The following SEC23B variants were observed in gnomAD, a reference collection of about 807,000 sequenced individuals.
SEC23B encodes the protein SEC23 homolog B, COPII component, also known as protein transport protein Sec23B.
A neutral mutation model predicts 104.3 loss-of-function variants in SEC23B; 77 were observed. That is an observed-to-expected ratio of 0.74 (90% confidence interval 0.61 to 0.89). SEC23B has a LOEUF of 0.89. SEC23B is among the 40% of genes least tolerant of loss of function. The pLI is 0.00. For synonymous variants in SEC23B, 338 were observed against 332.5 expected (o/e 1.02, Z -0.18); for missense variants, 885 against 949.4 (o/e 0.93, Z 0.89).
intron 18 of SEC23B, 99 bp from the exon 19 acceptor site, chr20:18,554,982 TACTGTGCAGTAAAACAATTCTAATTTA>T: frequency 5.1e-6 from 1 of 196,882 alleles, no homozygotes; most frequent in Non-Finnish European, 1.1e-5. Flanking sequence ...CTAATTAGAT[TACTGTGCAGTAAAACAATTCTAATTTA>T]ACCAAACAAA....
chr20:18,532,256 G>A (rs1046986984), intron 10 of SEC23B, among the ~76,000 whole-genome samples: 1 of 152,170 alleles, frequency 6.6e-6, no homozygotes, highest in Non-Finnish European at 1.5e-5. Flanking sequence ...TGGAGTTCAT[G>A]AATTAAGTAT....
In SEC23B at chr20:18,525,198, A is replaced by G. The variant is rs1281546304; in HGVS notation, c.689+178A>G. ...AAAGGTTTGGAGACCACTGTGCTCA[A>G]TTGCTGTTTTTAGACATTCCACATC... is the stretch of plus-strand genomic sequence containing the variant. On this transcript the variant is annotated intron_variant, in intron 6 of 19. Coordinates refer to ENST00000650089, the MANE Select transcript of SEC23B (RefSeq NM_006363.6). 3.3e-5 allele frequency among the ~76,000 whole-genome samples: 5 copies of G among 152,238 alleles called. No homozygotes were observed. In the East Asian group the frequency reaches 9.6e-4, roughly 29 times the overall value.
Position 18,524,490 on chromosome 20 carries a change from G to A in SEC23B, c.424G>A (p.Asp142Asn), listed in dbSNP as rs1319309955. ...LYVVDTCLEE[D>N]DLQALKESLQ... ...TGTGGTTGACACATGCCTGGAGGAA[G>A]ATGACCTTCAAGCACTCAAAGAGTC... The change falls in exon 5 of 20, where the codon GAT (aspartate) becomes AAT (asparagine). Residue 142 changes from aspartate to asparagine, a missense_variant. Transcript: ENST00000650089. 6.2e-7 allele frequency: 1 copy of A among 1,614,220 alleles called. No homozygotes were observed. Among genetic ancestry groups the A allele is most frequent in the Non-Finnish European group, 8.5e-7 (1 of 1,180,036 alleles).
In SEC23B at chr20:18,548,597, T is replaced by C. The variant is rs2060356524; in HGVS notation, c.1744-12T>C. 1 of 1,612,956 alleles carries C rather than the reference T, an allele frequency of 6.2e-7. No homozygotes were observed. Among genetic ancestry groups the C allele is most frequent in the Non-Finnish European group, 8.5e-7 (1 of 1,178,938 alleles). On this transcript the variant is annotated splice_polypyrimidine_tract_variant and intron_variant, in intron 15 of 19. Transcript: ENST00000650089. ...TTATATGCATTTCTCTTTCCGTTCT[T>C]TGTGAATGCAGTTTATGTTCCATCT... is the stretch of plus-strand genomic sequence containing the variant.
At chr20:18,516,985 A>T (rs998233392) in intron 4 of SEC23B, among the ~76,000 whole-genome samples, 1 of 152,248 alleles carries the variant, frequency 6.6e-6, no homozygotes, top group African/African-American at 2.4e-5. Context: ...CAGCATGAAC[A>T]TCTTCACAAT....
intron 14 of SEC23B, among the ~76,000 whole-genome samples, chr20:18,544,327 A>G (rs2060313884): frequency 1.3e-5 from 2 of 152,216 alleles, no homozygotes; most frequent in African/African-American, 4.8e-5. Flanking sequence ...CATTTCAAAC[A>G]TAATTTGAAA....
At chr20:18,557,757 T>G (rs1389339444) in intron 19 of SEC23B, among the ~76,000 whole-genome samples, 6 of 149,088 alleles carry the variant, frequency 4.0e-5, no homozygotes, top group African/African-American at 1.5e-4. Context: ...TTTTTTTTTT[T>G]TTTTGTTTTT....
intron 12 of SEC23B, among the ~76,000 whole-genome samples, chr20:18,536,033 T>C (rs1393140253): frequency 6.6e-6 from 1 of 152,230 alleles, no homozygotes; most frequent in Non-Finnish European, 1.5e-5. Flanking sequence ...CATCGGTTCT[T>C]TCCCTAATAT....
At chr20:18,552,755 A>G (rs2060400060) in intron 17 of SEC23B, among the ~76,000 whole-genome samples, 1 of 152,202 alleles carries the variant, frequency 6.6e-6, no homozygotes. Context: ...TGGAGGTTTC[A>G]GTGAGCTAAG....
intron 4 of SEC23B, among the ~76,000 whole-genome samples, chr20:18,518,598 T>TTTTTTG (rs2060054934): frequency 6.9e-6 from 1 of 144,024 alleles, no homozygotes; most frequent in African/African-American, 2.5e-5. Flanking sequence ...TTTTTTTTTT[T>TTTTTTG]TTTTTTTGTC....
intron 17 of SEC23B, 84 bp from the exon 18 acceptor site, chr20:18,554,150 TG>T: frequency 2.0e-6 from 3 of 1,468,396 alleles, no homozygotes; most frequent in Non-Finnish European, 2.8e-6. Context: ...AAACAAGCTC[TG>T]GGTGGCGATG....
chr20:18,530,890 C>T, intron 10 of SEC23B, 87 bp downstream of exon 10: 1 of 1,061,878 alleles, frequency 9.4e-7, no homozygotes. Flanking sequence ...AATTTTCCCG[C>T]CTCAGCGTCC....
At chr20:18,526,788 A>T (rs1170837919) in intron 8 of SEC23B, among the ~76,000 whole-genome samples, 1 of 152,200 alleles carries the variant, frequency 6.6e-6, no homozygotes, top group Non-Finnish European at 1.5e-5. Flanking sequence ...ATTTTTGAAA[A>T]TGATTTCCAG....
In SEC23B at chr20:18,527,610, G is replaced by A. The variant is rs748353015; in HGVS notation, c.1108G>A (p.Gly370Arg). ...LEMKCCANLT[G>R]GYMVMGDSFN... is the part of the protein sequence containing the mutation. ...GATGAAGTGTTGTGCAAATCTTACT[G>A]GGTATGTTGACAGTGAAAACCTGGG... Residue 370 changes from glycine (G) to arginine (R), a missense_variant and splice_region_variant, in exon 9 of 20, where the codon GGA (glycine) becomes AGA (arginine). Transcript: ENST00000650089. The A allele has an allele frequency of 8.9e-6, 14 of 1,565,786 alleles. No homozygotes were observed. In the South Asian group the frequency reaches 1.4e-4, roughly 16 times the overall value.
rs2060328040 is a variant in SEC23B, at chr20:18,545,977, A to G, written c.1687A>G (p.Asn563Asp). 1 of 1,587,576 alleles carries G rather than the reference A, an allele frequency of 6.3e-7. No homozygotes were observed. Among genetic ancestry groups the G allele is most frequent in the Admixed American group, 1.7e-5 (1 of 59,980 alleles). ...IRLCQKFGQYNKEDPTSFRLS... is the reference protein window; with the variant it reads ...IRLCQKFGQYDKEDPTSFRLS... ...ATAGTGTCAAAAGTTTGGACAGTAT[A>G]ACAAAGAAGACCCCACTTCTTTTAG... Residue 563 changes from asparagine (N) to aspartate (D), a missense_variant, in exon 15 of 20, where the codon AAC becomes GAC. Physicochemically the swap from Asn to Asp is conservative, Grantham distance 23. Coordinates refer to ENST00000650089, the MANE Select transcript of SEC23B (RefSeq NM_006363.6).
chr20:18,526,466 A>C lies in SEC23B; in HGVS notation c.928A>C (p.Ile310Leu). The C allele has an allele frequency of 1.2e-6, 2 of 1,614,188 alleles. No homozygotes were observed. Among genetic ancestry groups the C allele is most frequent in the Non-Finnish European group, 1.7e-6 (2 of 1,180,032 alleles). Residue 310 changes from isoleucine (I) to leucine (L), a missense_variant, in exon 8 of 20, where the codon ATT becomes CTT. By Grantham distance (5) the Ile-to-Leu change is conservative (BLOSUM62 2). Transcript: ENST00000650089. Reference protein sequence around the residue: ...PGMVVGDELKIPIRSWHDIEK... With the variant: ...PGMVVGDELKLPIRSWHDIEK... ...CATGGTGGTTGGAGATGAATTAAAGATTCCTATTCGTTCTTGGCATGATAT... is the reference window on the plus strand; with the variant it reads ...CATGGTGGTTGGAGATGAATTAAAGCTTCCTATTCGTTCTTGGCATGATAT...
intron 17 of SEC23B, among the ~76,000 whole-genome samples, chr20:18,553,068 A>G (rs774637462): frequency 6.6e-6 from 1 of 152,212 alleles, no homozygotes; most frequent in Non-Finnish European, 1.5e-5. Flanking sequence ...CCTTAAGCTC[A>G]TCTCCTTATC....
At chr20:18,508,611 AAGAATCCAG>A (rs2059953114) in intron 1 of SEC23B, among the ~76,000 whole-genome samples, 1 of 152,144 alleles carries the variant, frequency 6.6e-6, no homozygotes, top group Admixed American at 6.5e-5. Flanking sequence ...GTCCACTGCT[AAGAATCCAG>A]ACCCTAGAAG....
intron 3 of SEC23B, among the ~76,000 whole-genome samples, chr20:18,513,397 G>C (rs1051648335): frequency 6.6e-5 from 10 of 151,816 alleles, no homozygotes; most frequent in African/African-American, 2.2e-4. Flanking sequence ...AAAGTGGATT[G>C]TGGTAATTAT....
Sources: allele counts gnomAD v4.1 joint callset (sites outside exome capture counted in the v4.1 genomes callset), GRCh38; gene constraint gnomAD v4.1.1; transcripts MANE v1.5; gene names NCBI Gene and HGNC (gene_info 2026-07-23, HGNC 2026-07-21).